SUGCT: variants seen among roughly 807,000 people sequenced by gnomAD.
SUGCT encodes succinyl-CoA:glutarate CoA-transferase.
Under a neutral mutation model 55.0 loss-of-function variants are expected in SUGCT, and 41 were observed. The ratio of observed to expected loss-of-function variants is 0.74; its 90% CI spans 0.58 to 0.97. The LOEUF (loss-of-function observed/expected upper bound fraction) is 0.97. SUGCT is among the 50% of genes least tolerant of loss of function. The pLI is 0.00. For synonymous variants in SUGCT, 187 were observed against 200.4 expected (o/e 0.93, Z 0.56); for missense variants, 568 against 547.8 (o/e 1.04, Z -0.37).
intron 12 of SUGCT, among the ~76,000 whole-genome samples, chr7:40,741,835 C>A (rs1207576814): frequency 6.6e-6 from 1 of 152,134 alleles, no homozygotes; most frequent in Non-Finnish European, 1.5e-5. Context: ...GAAGCATATG[C>A]TTGATTTCAT....
At position 40,245,417 on chromosome 7, in the gene SUGCT, A is replaced by T. The variant is rs1235634556; in HGVS notation, c.576+7691A>T. ...GTACGTAGTAGACATATATATATAT[A>T]TATATATTTTTTTTTTTTTTTTTTT... is the stretch of plus-strand genomic sequence containing the variant. On this transcript the variant is annotated intron_variant, in intron 7 of 13. Transcript: ENST00000335693. Among the ~76,000 whole-genome samples the T allele has an allele frequency of 3.4e-4, 9 of 26,166 alleles. No homozygotes were observed. The East Asian group carries it at 0.024, about 68-fold the overall frequency. 17.2% of individuals were successfully genotyped at this position (26,166 alleles called of 152,430 possible). A position where few individuals can be genotyped will look rare whatever the true frequency, so the allele number is the denominator to read the frequency against.
intron 6 of SUGCT, among the ~76,000 whole-genome samples, chr7:40,210,314 G>A (rs1488554363): frequency 1.3e-5 from 2 of 151,966 alleles, no homozygotes; most frequent in Admixed American, 1.3e-4. Flanking sequence ...CCAAAGTGCT[G>A]GGATTACAGA....
chr7:40,988,165 A>T, the SUGCT span, among the ~76,000 whole-genome samples: 4 of 151,352 alleles, frequency 2.6e-5, no homozygotes, highest in South Asian at 8.5e-4. Context: ...AGTAATTGGT[A>T]AAGTCTTTAA....
chr7:40,275,089 C>T (rs1792375762), intron 8 of SUGCT, among the ~76,000 whole-genome samples: 1 of 152,196 alleles, frequency 6.6e-6, no homozygotes, highest in Non-Finnish European at 1.5e-5. Context: ...GCATGAGCCA[C>T]CACGAATGGC....
chr7:40,210,777 A>G (rs1787292456), intron 6 of SUGCT, among the ~76,000 whole-genome samples: 1 of 152,098 alleles, frequency 6.6e-6, no homozygotes. Context: ...AGAGAATGAC[A>G]GGGTGAGTGC....
intron 11 of SUGCT, among the ~76,000 whole-genome samples, chr7:40,474,588 G>A (rs1029358555): frequency 6.6e-6 from 1 of 152,150 alleles, no homozygotes; most frequent in African/African-American, 2.4e-5. Flanking sequence ...TCAGCAGCAT[G>A]GAACTGTTTA....
At chr7:40,879,083 C>T in the SUGCT span, among the ~76,000 whole-genome samples, 661 of 152,266 alleles carry the variant, frequency 4.3e-3, 1 homozygote, top group Middle Eastern at 0.02. Flanking sequence ...TGAACCACCG[C>T]GCCCAGCCCC....
chr7:40,324,020 A>C (rs772212402), intron 9 of SUGCT, among the ~76,000 whole-genome samples: 10 of 151,974 alleles, frequency 6.6e-5, no homozygotes, highest in Non-Finnish European at 1.3e-4. Context: ...TATTCCACTT[A>C]AAATTAATGC....
At chr7:40,233,354 G>T (rs2150865125) in intron 6 of SUGCT, among the ~76,000 whole-genome samples, 1 of 152,146 alleles carries the variant, frequency 6.6e-6, no homozygotes, top group South Asian at 2.1e-4. Context: ...CAAGTAGCTG[G>T]GATTACAGGC....
intron 9 of SUGCT, among the ~76,000 whole-genome samples, chr7:40,390,239 G>A (rs150755922): frequency 0.016 from 2,402 of 152,228 alleles, 22 homozygotes; most frequent in Non-Finnish European, 0.022. Flanking sequence ...CAGGGATGCC[G>A]TCTCTCACCA....
intron 12 of SUGCT, among the ~76,000 whole-genome samples, chr7:40,650,187 A>G (rs1436529165): frequency 6.6e-6 from 1 of 152,216 alleles, no homozygotes; most frequent in Non-Finnish European, 1.5e-5. Context: ...GCAGGTGACA[A>G]CATGACAGCA....
At chr7:40,836,214 T>C (rs1205405800) in intron 13 of SUGCT, among the ~76,000 whole-genome samples, 1 of 152,206 alleles carries the variant, frequency 6.6e-6, no homozygotes, top group East Asian at 1.9e-4. Flanking sequence ...TTCATTTTCT[T>C]GAAATGGGAT....
At chr7:40,954,959 A>G in the SUGCT span, among the ~76,000 whole-genome samples, 1 of 152,040 alleles carries the variant, frequency 6.6e-6, no homozygotes, top group South Asian at 2.1e-4. Flanking sequence ...GATGTGTGAC[A>G]TTATTTTTGA....
intron 12 of SUGCT, among the ~76,000 whole-genome samples, chr7:40,695,652 G>T (rs773222317): frequency 6.6e-6 from 1 of 152,058 alleles, no homozygotes; most frequent in South Asian, 2.1e-4. Context: ...AGCTACAAAG[G>T]CTTTTTTTCA....
At chr7:41,020,133 C>T in the SUGCT span, among the ~76,000 whole-genome samples, 1 of 152,190 alleles carries the variant, frequency 6.6e-6, no homozygotes, top group African/African-American at 2.4e-5. Flanking sequence ...CTTTCTGGAA[C>T]TTATCTCATG....
intron 9 of SUGCT, among the ~76,000 whole-genome samples, chr7:40,357,655 T>C (rs375468902): frequency 8.5e-5 from 13 of 152,248 alleles, no homozygotes; most frequent in African/African-American, 2.9e-4. Context: ...TTATGAACAC[T>C]GACATTTCAA....
At chr7:40,531,928 C>G (rs1794119854) in intron 12 of SUGCT, among the ~76,000 whole-genome samples, 1 of 152,242 alleles carries the variant, frequency 6.6e-6, no homozygotes, top group Non-Finnish European at 1.5e-5. Context: ...CCTGCCTCGG[C>G]CTCCCAAAGT....
the SUGCT span, among the ~76,000 whole-genome samples, chr7:41,023,378 G>A: frequency 6.6e-6 from 1 of 151,736 alleles, no homozygotes; most frequent in Non-Finnish European, 1.5e-5. Context: ...AAGAGATACA[G>A]GAAAGCATTC....
At chr7:40,446,872 T>C (rs1264178112) in intron 9 of SUGCT, among the ~76,000 whole-genome samples, 2 of 152,236 alleles carry the variant, frequency 1.3e-5, no homozygotes, top group Non-Finnish European at 2.9e-5. Flanking sequence ...CAGTAGCCAC[T>C]AGCCACACGT....
Sources: gnomAD v4.1 joint callset for allele counts (sites outside exome capture counted in the v4.1 genomes callset) on GRCh38, gnomAD v4.1.1 for gene constraint, MANE v1.5 for transcripts, NCBI Gene and HGNC (gene_info 2026-07-23, HGNC 2026-07-21) for gene names.